Variants in ZNF385D observed in about 807,000 individuals in gnomAD.
The protein encoded by ZNF385D is zinc finger protein 385D.
In ZNF385D, 15 loss-of-function variants were observed where a neutral mutation model predicts 35.8. The observed-to-expected ratio is 0.42, with a 90% CI of 0.28 to 0.64. The LOEUF is 0.64. Among genes scored for constraint, ZNF385D ranks in the 30% least tolerant of loss-of-function variants. The pLI, the probability that ZNF385D is intolerant of heterozygous loss-of-function variation, is 0.23. For missense variants in ZNF385D, 474 were observed against 494.6 expected (o/e 0.96, Z 0.39); for synonymous variants, 212 against 186.8 (o/e 1.13, Z -1.10).
At chr3:21,536,311 T>C (rs1166682207) in intron 3 of ZNF385D, among the ~76,000 whole-genome samples, 1 of 152,058 alleles carries the variant, frequency 6.6e-6, no homozygotes, top group African/African-American at 2.4e-5. Flanking sequence ...AAAAGTATTA[T>C]GATGTCAGAA....
At chr3:22,167,547 G>C (rs1241510103) in intron 3 of ZNF385D, among the ~76,000 whole-genome samples, 1 of 152,180 alleles carries the variant, frequency 6.6e-6, no homozygotes, top group East Asian at 1.9e-4. Context: ...CACCAATCAT[G>C]GGTACAGAGA....
intron 1 of ZNF385D, among the ~76,000 whole-genome samples, chr3:21,679,977 C>A (rs1206917158): frequency 1.3e-5 from 2 of 152,038 alleles, no homozygotes. Flanking sequence ...GAGAGAGACT[C>A]GCTCAGTGCC....
rs1043800785 is a variant in ZNF385D at position 21,845,118 on chromosome 3, G to A, written c.326-180090C>T. 3.3e-5 allele frequency among the ~76,000 whole-genome samples: 5 copies of A among 151,924 alleles called. No homozygotes were observed. The Admixed American group carries it at 3.3e-4, about 10-fold the overall frequency. On this transcript the variant is annotated intron_variant, in intron 3 of 5. Transcript: ENST00000494108. ...AAGAGAATAACTTAAGAGTTAAAAT[G>A]TCAGAATTATGGTTAGTCATTTATT...
Position 21,546,279 on chromosome 3 carries a change from C to T in ZNF385D, c.276+18295G>A, listed in dbSNP as rs77156425. Among the ~76,000 whole-genome samples the T allele has an allele frequency of 6.7e-3, 1,015 of 152,146 alleles. 5 individuals are homozygous for T. The highest frequency in any genetic ancestry group is 0.027 in the South Asian group (131 of 4,816). ...TAACAGGATGAGTAATGTAGGAATC[C>T]GGATTGATACTCTAGTTCTGAGCAA... is the stretch of plus-strand genomic sequence containing the variant. On this transcript the variant is annotated intron_variant, in intron 3 of 7. Transcript: ENST00000281523.
rs186510623 is a variant in ZNF385D at position 22,191,273 on chromosome 3, C to G, written c.107-22238G>C. Among the ~76,000 whole-genome samples, 958 of 152,150 alleles carry G rather than the reference C, an allele frequency of 6.3e-3. 5 individuals carry two copies. Among genetic ancestry groups the G allele is most frequent in the Non-Finnish European group, 9.8e-3 (664 of 68,004 alleles). On this transcript the variant is annotated intron_variant, in intron 2 of 5. Transcript: ENST00000494108. Reference sequence around the variant, plus strand: ...TGGGAGGCCGAGGCAGGCGGATCACCTGACGTCAGGGGTTTGAGAACAGCC... The same window carrying G: ...TGGGAGGCCGAGGCAGGCGGATCACGTGACGTCAGGGGTTTGAGAACAGCC...
At chr3:22,194,421 A>C (rs1696266719) in intron 2 of ZNF385D, among the ~76,000 whole-genome samples, 1 of 151,552 alleles carries the variant, frequency 6.6e-6, no homozygotes, top group African/African-American at 2.4e-5. Context: ...TTAAATTTTC[A>C]TTTTCCCTCA....
At chr3:21,715,853 T>A (rs548856077) in intron 1 of ZNF385D, among the ~76,000 whole-genome samples, 1 of 152,318 alleles carries the variant, frequency 6.6e-6, no homozygotes, top group Admixed American at 6.5e-5. Context: ...ACTCCATATA[T>A]CTAATTGCCT....
chr3:21,709,141 A>G (rs907883724), intron 1 of ZNF385D, among the ~76,000 whole-genome samples: 1 of 152,202 alleles, frequency 6.6e-6, no homozygotes, highest in African/African-American at 2.4e-5. Flanking sequence ...AACATATTAT[A>G]TATTTTACAT....
intron 3 of ZNF385D, among the ~76,000 whole-genome samples, chr3:22,009,516 G>C (rs1340012316): frequency 6.6e-6 from 1 of 151,434 alleles, no homozygotes; most frequent in Admixed American, 6.6e-5. Context: ...CCAGCTACTC[G>C]GGAGGCTGAG....
At chr3:21,441,821 ACT>A in intron 4 of ZNF385D, 1 of 738,638 alleles carries the variant, frequency 1.4e-6, no homozygotes, top group Non-Finnish European at 1.7e-6. Context: ...TCTTTGCACT[ACT>A]CTACCAAAGA....
chr3:22,182,493 GT>G (rs1190643916), intron 2 of ZNF385D, among the ~76,000 whole-genome samples: 2 of 151,844 alleles, frequency 1.3e-5, no homozygotes, highest in Non-Finnish European at 2.9e-5. Flanking sequence ...GCTGGATTTG[GT>G]TTCACAGGAC....
intron 3 of ZNF385D, among the ~76,000 whole-genome samples, chr3:21,850,389 G>T (rs1316561556): frequency 6.6e-6 from 1 of 152,086 alleles, no homozygotes; most frequent in Non-Finnish European, 1.5e-5. Context: ...CAGAAGATGG[G>T]ATAGTGAAGG....
At chr3:21,903,566 T>C (rs543873592) in intron 3 of ZNF385D, among the ~76,000 whole-genome samples, 1 of 152,318 alleles carries the variant, frequency 6.6e-6, no homozygotes, top group South Asian at 2.1e-4. Context: ...GATGGAAATG[T>C]ATTTTGATCA....
At chr3:22,294,960 A>AC (rs1702490790) in intron 2 of ZNF385D, among the ~76,000 whole-genome samples, 1 of 152,088 alleles carries the variant, frequency 6.6e-6, no homozygotes, top group Non-Finnish European at 1.5e-5. Flanking sequence ...CAGGGGTATA[A>AC]CTATCTATCT....
intron 2 of ZNF385D, among the ~76,000 whole-genome samples, chr3:22,345,371 C>T (rs1180030711): frequency 6.6e-6 from 1 of 152,136 alleles, no homozygotes; most frequent in Non-Finnish European, 1.5e-5. Flanking sequence ...TGACTGAAAG[C>T]TGTGTAATTA....
At chr3:21,966,333 G>A (rs982085796) in intron 3 of ZNF385D, among the ~76,000 whole-genome samples, 1 of 152,274 alleles carries the variant, frequency 6.6e-6, no homozygotes, top group South Asian at 2.1e-4. Context: ...AAAGCATGTA[G>A]ACATTTTAAA....
intron 5 of ZNF385D, among the ~76,000 whole-genome samples, chr3:21,428,258 A>T (rs1460046200): frequency 6.6e-6 from 1 of 152,126 alleles, no homozygotes; most frequent in Non-Finnish European, 1.5e-5. Context: ...TATGTTTCAG[A>T]TACTGTGCTA....
At chr3:21,850,638 G>A (rs746941007) in intron 3 of ZNF385D, among the ~76,000 whole-genome samples, 4 of 152,086 alleles carry the variant, frequency 2.6e-5, no homozygotes, top group African/African-American at 7.2e-5. Context: ...ACAAGTATCC[G>A]GGAGCTAAAA....
chr3:21,901,956 AAG>A (rs368482532), intron 3 of ZNF385D, among the ~76,000 whole-genome samples: 194 of 152,276 alleles, frequency 1.3e-3, no homozygotes, highest in African/African-American at 4.3e-3. Context: ...ATCAGCTTTC[AAG>A]AATGGCAGGA....
Sources: gnomAD v4.1 joint callset for allele counts (sites outside exome capture counted in the v4.1 genomes callset) on GRCh38, gnomAD v4.1.1 for gene constraint, MANE v1.5 for transcripts, NCBI Gene and HGNC (gene_info 2026-07-23, HGNC 2026-07-21) for gene names.